The following HAO1 variants were observed in gnomAD, a reference collection of about 807,000 sequenced individuals.
The protein encoded by HAO1 is 2-Hydroxyacid oxidase 1.
Under a neutral mutation model 39.7 loss-of-function variants are expected in HAO1, and 34 were observed. The ratio of observed to expected loss-of-function variants is 0.86; its 90% CI spans 0.65 to 1.14. HAO1 has a LOEUF of 1.14. Ranked by LOEUF, HAO1 falls within the 50% of genes most tolerant of loss-of-function variation. HAO1 has a pLI of 0.00. For missense variants in HAO1, 479 were observed against 464.5 expected, an observed-to-expected ratio of 1.03 and a Z score of -0.29; for synonymous variants, 172 against 173.2, an observed-to-expected ratio of 0.99 and a Z score of 0.05.
chr20:7,933,258 T>C (rs1568521237), intron 2 of HAO1, among the ~76,000 whole-genome samples: 1 of 152,168 alleles, frequency 6.6e-6, no homozygotes, highest in Non-Finnish European at 1.5e-5. Flanking sequence ...CTCATATTTT[T>C]TTTCCATTTC....
At chr20:7,935,319 A>G (rs759618945) in intron 1 of HAO1, among the ~76,000 whole-genome samples, 46 of 152,354 alleles carry the variant, frequency 3.0e-4, no homozygotes, top group Non-Finnish European at 5.4e-4. Flanking sequence ...CACTACAAAC[A>G]TTCACGTACA....
intron 5 of HAO1, 141 bp downstream of exon 5, chr20:7,894,992 C>T: frequency 3.2e-6 from 2 of 631,376 alleles, no homozygotes; most frequent in Non-Finnish European, 5.6e-6. Context: ...AACTTAAAAT[C>T]CAAGATCTCA....
At chr20:7,887,509 C>A (rs1264733489) in intron 5 of HAO1, among the ~76,000 whole-genome samples, 1 of 152,168 alleles carries the variant, frequency 6.6e-6, no homozygotes, top group Non-Finnish European at 1.5e-5. Flanking sequence ...TCCCTTTTAG[C>A]TTTTCTGCCT....
At chr20:7,912,584 A>G (rs2050285188) in intron 3 of HAO1, among the ~76,000 whole-genome samples, 1 of 92,542 alleles carries the variant, frequency 1.1e-5, no homozygotes, top group South Asian at 6.7e-4. Context: ...AGTCTTTAAA[A>G]AAAAAAAAAA....
intron 2 of HAO1, among the ~76,000 whole-genome samples, chr20:7,931,723 C>G (rs2050386554): frequency 6.6e-6 from 1 of 152,122 alleles, no homozygotes; most frequent in Non-Finnish European, 1.5e-5. Flanking sequence ...CTTACACTGT[C>G]AAATCATAGT....
At chr20:7,926,924 A>G (rs2050361885) in intron 2 of HAO1, among the ~76,000 whole-genome samples, 1 of 151,706 alleles carries the variant, frequency 6.6e-6, no homozygotes, top group Non-Finnish European at 1.5e-5. Flanking sequence ...CCTGGAACGC[A>G]TTAGGTAGGT....
At chr20:7,893,026 G>T (rs2050181106) in intron 5 of HAO1, among the ~76,000 whole-genome samples, 1 of 151,992 alleles carries the variant, frequency 6.6e-6, no homozygotes, top group Non-Finnish European at 1.5e-5. Flanking sequence ...TACCTCATTG[G>T]CCTTTCTGCC....
intron 4 of HAO1, among the ~76,000 whole-genome samples, chr20:7,903,859 G>A (rs1203996914): frequency 3.9e-5 from 3 of 77,072 alleles, no homozygotes; most frequent in Admixed American, 1.3e-4. Context: ...TTGTGGTAGC[G>A]GTGGTGGTGG....
At position 7,890,755 on chromosome 20, in the gene HAO1, A is replaced by T. The variant is rs149168577; in HGVS notation, c.813+4378T>A. ...ATTGTATCATTCTTATGCCTTTGCA[A>T]CCTCATAGCTTAGCTCCCACATATC... On this transcript the variant is annotated intron_variant, in intron 5 of 7. Transcript: ENST00000378789. Among the ~76,000 whole-genome samples the T allele has an allele frequency of 1.5e-3, 228 of 151,938 alleles. 3 individuals carry two copies. The South Asian group carries it at 0.019, about 12-fold the overall frequency.
chr20:7,905,189 A>G (rs1219401890), intron 4 of HAO1, among the ~76,000 whole-genome samples: 1 of 149,248 alleles, frequency 6.7e-6, no homozygotes, highest in East Asian at 1.9e-4. Flanking sequence ...TTGTTTAAGC[A>G]CAGAATAAGA....
intron 2 of HAO1, among the ~76,000 whole-genome samples, chr20:7,918,137 A>G (rs2050315341): frequency 6.6e-6 from 1 of 152,212 alleles, no homozygotes; most frequent in Non-Finnish European, 1.5e-5. Flanking sequence ...AGGTATTATC[A>G]TTTGAAGCTA....
chr20:7,935,815 T>C (rs2050407408), intron 1 of HAO1, among the ~76,000 whole-genome samples: 1 of 152,224 alleles, frequency 6.6e-6, no homozygotes, highest in Non-Finnish European at 1.5e-5. Context: ...TTCTCATTAG[T>C]ACTGATTAAA....
At chr20:7,913,331 T>G (rs1435977381) in intron 3 of HAO1, among the ~76,000 whole-genome samples, 1 of 152,182 alleles carries the variant, frequency 6.6e-6, no homozygotes, top group Non-Finnish European at 1.5e-5. Flanking sequence ...AACTAAGATT[T>G]TGATCCCTTT....
In HAO1 at chr20:7,911,924, G is replaced by A. The variant is rs184659211; in HGVS notation, c.545+2240C>T. Reference sequence around the variant, plus strand: ...CCTCAGGCGGAAGCCTGGACCTCCCGTTAGCATGCTCTGCCTTTAAGAGCT... The same window carrying A: ...CCTCAGGCGGAAGCCTGGACCTCCCATTAGCATGCTCTGCCTTTAAGAGCT... On this transcript the variant is annotated intron_variant, in intron 3 of 7. Coordinates refer to ENST00000378789, the MANE Select transcript of HAO1 (RefSeq NM_017545.3). Among the ~76,000 whole-genome samples the A allele has an allele frequency of 1.1e-3, 170 of 152,314 alleles. 1 individual carries two copies. Among genetic ancestry groups the A allele is most frequent in the Admixed American group, 2.5e-3 (39 of 15,306 alleles).
chr20:7,892,770 A>G (rs543890373), intron 5 of HAO1, among the ~76,000 whole-genome samples: 3 of 152,302 alleles, frequency 2.0e-5, no homozygotes, highest in African/African-American at 7.2e-5. Context: ...ATAGGTAGAT[A>G]GATAGTAAAT....
chr20:7,915,935 A>G (rs2050304970), intron 2 of HAO1, among the ~76,000 whole-genome samples: 1 of 152,078 alleles, frequency 6.6e-6, no homozygotes. Context: ...TTTGTCTTTC[A>G]AAATTGTATT....
At chr20:7,891,765 G>A (rs1252775558) in intron 5 of HAO1, among the ~76,000 whole-genome samples, 2 of 152,156 alleles carry the variant, frequency 1.3e-5, no homozygotes, top group African/African-American at 4.8e-5. Context: ...CTCAGCGAGA[G>A]GGAAATAAGC....
At chr20:7,911,891 G>A (rs920757276) in intron 3 of HAO1, among the ~76,000 whole-genome samples, 1 of 152,228 alleles carries the variant, frequency 6.6e-6, no homozygotes, top group African/African-American at 2.4e-5. Context: ...CTTTTGGGGT[G>A]TATTTGGCCT....
intron 2 of HAO1, among the ~76,000 whole-genome samples, chr20:7,920,682 G>A (rs1261704196): frequency 6.6e-6 from 1 of 152,004 alleles, no homozygotes; most frequent in Admixed American, 6.6e-5. Context: ...TATAGTATCT[G>A]TCTATCCATG....
Sources: allele counts gnomAD v4.1 joint callset (sites outside exome capture counted in the v4.1 genomes callset), GRCh38; gene constraint gnomAD v4.1.1; transcripts MANE v1.5; gene names NCBI Gene and HGNC (gene_info 2026-07-23, HGNC 2026-07-21).